The following TPD52 variants were observed in gnomAD, a reference collection of about 807,000 sequenced individuals.
TPD52 encodes the protein tumor protein D52, also known as prostate and colon associated protein.
TPD52 carries 17 observed loss-of-function variants against 31.3 expected under a neutral mutation model. That is an observed-to-expected ratio of 0.54 (90% CI 0.37 to 0.82). TPD52 has a LOEUF of 0.82. Among genes scored for constraint, TPD52 ranks in the 40% least tolerant of loss-of-function variants. TPD52 has a pLI of 0.00. For missense variants in TPD52, 212 were observed against 240.1 expected (o/e 0.88, Z 0.77); for synonymous variants, 83 against 89.6 (o/e 0.93, Z 0.42).
rs575063392 is a variant in TPD52, at chr8:80,135,457, A to G, written c.19+35968T>C. 3.3e-5 allele frequency among the ~76,000 whole-genome samples: 5 copies of G among 152,228 alleles called. No individual in the cohort carries two copies. The East Asian group carries it at 7.7e-4, about 23-fold the overall frequency. On this transcript the variant is annotated intron_variant, in intron 1 of 7. Coordinates refer to ENST00000518937, the MANE Select transcript of TPD52 (RefSeq NM_001025253.3). Reference sequence around the variant, plus strand: ...CCCCCAGGAGAGTTAGAGCTCTGACAAAGAGGAAGCCTGAATATACCCTTA... The same window carrying G: ...CCCCCAGGAGAGTTAGAGCTCTGACGAAGAGGAAGCCTGAATATACCCTTA...
chr8:80,134,060 G>A (rs193245117), intron 1 of TPD52, among the ~76,000 whole-genome samples: 25 of 152,294 alleles, frequency 1.6e-4, no homozygotes, highest in Middle Eastern at 6.8e-3. Context: ...TGGCAGACAC[G>A]GTGATTCTAA....
In TPD52 at chr8:80,034,900, A is replaced by G. The variant is rs1809799181; in HGVS notation, c.*3216T>C. On this transcript the variant is annotated 3_prime_UTR_variant, in exon 8 of 8. Transcript: ENST00000518937. ...TGCCAAATAGCATTTATTTGAGTAC[A>G]AAATCCTGGCAGGCAAAAGCACTTG... is the stretch of plus-strand genomic sequence containing the variant. 6.6e-6 allele frequency: 1 copy of G among 152,218 alleles called. No homozygotes were observed. Among genetic ancestry groups the G allele is most frequent in the Admixed American group, 6.5e-5 (1 of 15,274 alleles). The allele number at this position is 152,218 out of a possible 1,614,324, so 9.4% of individuals were successfully genotyped here.
intron 2 of TPD52, among the ~76,000 whole-genome samples, chr8:80,054,849 A>T (rs1432556422): frequency 6.6e-6 from 1 of 152,148 alleles, no homozygotes; most frequent in Non-Finnish European, 1.5e-5. Flanking sequence ...TGCTTGTCAG[A>T]GTCACAAGTA....
At chr8:80,044,301 C>A in intron 5 of TPD52, 93 bp from the exon 6 acceptor site, 2 of 963,146 alleles carry the variant, frequency 2.1e-6, no homozygotes, top group Admixed American at 3.4e-5. Flanking sequence ...TCCCCAGGAG[C>A]TTTATTCTCT....
chr8:80,127,837 CAG>C lies in TPD52; in HGVS notation c.19+43586_19+43587del, dbSNP rs1421065718. Among the ~76,000 whole-genome samples the C allele has an allele frequency of 6.4e-4, 28 of 43,900 alleles. 1 individual carries two copies. Among genetic ancestry groups the C allele is most frequent in the South Asian group, 1.5e-3 (2 of 1,376 alleles). The allele number at this position is 43,900 out of a possible 152,430, so 28.8% of individuals were successfully genotyped here. A position where few individuals can be genotyped will look rare whatever the true frequency, so the allele number is the denominator to read the frequency against. On this transcript the variant is annotated intron_variant, in intron 1 of 7. Coordinates refer to ENST00000518937, the MANE Select transcript of TPD52 (RefSeq NM_001025253.3). ...ACACACACACACACACACACACACA[CAG>C]AGATACATAATAAAAAATATAAAGG... is the stretch of plus-strand genomic sequence containing the variant.
At chr8:80,111,115 G>C (rs1364772005) in intron 1 of TPD52, among the ~76,000 whole-genome samples, 1 of 152,204 alleles carries the variant, frequency 6.6e-6, no homozygotes, top group Non-Finnish European at 1.5e-5. Context: ...GGGAGGCTGA[G>C]GTGGTAGTAT....
At chr8:80,106,334 T>C (rs1807105463) in intron 1 of TPD52, among the ~76,000 whole-genome samples, 1 of 152,074 alleles carries the variant, frequency 6.6e-6, no homozygotes, top group Non-Finnish European at 1.5e-5. Context: ...TATCAAACAG[T>C]AGGTTTATTG....
At chr8:80,063,326 T>C (rs1812752063) in intron 2 of TPD52, among the ~76,000 whole-genome samples, 1 of 152,326 alleles carries the variant, frequency 6.6e-6, no homozygotes, top group Middle Eastern at 3.4e-3. Context: ...TCCATTTATA[T>C]GAAATAACCA....
rs1051202624 is a variant in TPD52, at chr8:80,042,514, T to C, written c.504+106A>G. On this transcript the variant is annotated intron_variant, in intron 7 of 7. Transcript: ENST00000518937. ...AAGGAGTAAAGTTATTTACATTCTT[T>C]AGATATTTTTAGAAAGAAATATTAA... is the stretch of plus-strand genomic sequence containing the variant. The C allele has an allele frequency of 4.0e-6, 6 of 1,513,190 alleles. No individual in the cohort carries two copies. The African/African-American group carries it at 8.5e-5, about 21-fold the overall frequency. 93.7% of individuals were successfully genotyped at this position (1,513,190 alleles called of 1,614,324 possible).
At chr8:80,157,391 C>G (rs182827534) in intron 1 of TPD52, among the ~76,000 whole-genome samples, 181 of 152,270 alleles carry the variant, frequency 1.2e-3, no homozygotes, top group Non-Finnish European at 2.3e-3. Flanking sequence ...CATTGAATCC[C>G]TGACACAATC....
chr8:80,171,242 C>G (rs1264050423), intron 1 of TPD52, 183 bp downstream of exon 1: 1 of 771,722 alleles, frequency 1.3e-6, no homozygotes. Flanking sequence ...CCCGCCAGAG[C>G]CGCTCCTTCC....
chr8:80,104,852 G>C (rs890800059), intron 1 of TPD52, among the ~76,000 whole-genome samples: 1 of 151,860 alleles, frequency 6.6e-6, no homozygotes, highest in Non-Finnish European at 1.5e-5. Context: ...TTCAGCTCAG[G>C]AGCTCAAGAC....
At chr8:80,046,183 T>A (rs1352013699) in intron 5 of TPD52, among the ~76,000 whole-genome samples, 2 of 152,236 alleles carry the variant, frequency 1.3e-5, no homozygotes, top group East Asian at 3.8e-4. Flanking sequence ...CTAGACTGTT[T>A]ATTTTGTGAA....
chr8:80,122,084 G>C (rs1362850461), intron 1 of TPD52, among the ~76,000 whole-genome samples: 4 of 150,096 alleles, frequency 2.7e-5, no homozygotes, highest in Admixed American at 6.6e-5. Flanking sequence ...AGATGAGAAA[G>C]GTAAAATCAA....
chr8:80,094,759 AT>A (rs143981178), intron 1 of TPD52, among the ~76,000 whole-genome samples: 11,574 of 151,114 alleles, frequency 0.077, 994 homozygotes, highest in African/African-American at 0.21. Flanking sequence ...TTCTACCATA[AT>A]TTAAAAAAAA....
intron 1 of TPD52, among the ~76,000 whole-genome samples, chr8:80,090,727 C>T (rs1418253134): frequency 6.6e-6 from 1 of 151,778 alleles, no homozygotes; most frequent in Non-Finnish European, 1.5e-5. Flanking sequence ...AAAAACTATC[C>T]TCTTTGGAGC....
intron 1 of TPD52, chr8:80,064,810 T>G: frequency 1.5e-6 from 1 of 677,222 alleles, no homozygotes; most frequent in East Asian, 2.8e-5. Context: ...AATATGAATT[T>G]AGAAAATATA....
Position 80,041,655 on chromosome 8 carries a change from CATT to C in TPD52, c.504+962_504+964del, listed in dbSNP as rs552158579. Among the ~76,000 whole-genome samples the C allele has an allele frequency of 2.6e-5, 4 of 152,034 alleles. No individual in the cohort carries two copies. The East Asian group carries it at 7.7e-4, about 29-fold the overall frequency. On this transcript the variant is annotated intron_variant, in intron 7 of 7. Coordinates refer to ENST00000518937, the MANE Select transcript of TPD52 (RefSeq NM_001025253.3). ...ATATAATTTACAAATCAATAAAGCT[CATT>C]ATTATGGGGAAATGTTCACCTCCAC...
intron 1 of TPD52, among the ~76,000 whole-genome samples, chr8:80,069,501 A>C (rs1813529293): frequency 6.6e-6 from 1 of 151,956 alleles, no homozygotes; most frequent in African/African-American, 2.4e-5. Context: ...AAAAATTTTT[A>C]GGGGGCTGGG....
Sources: allele counts gnomAD v4.1 joint callset (sites outside exome capture counted in the v4.1 genomes callset), GRCh38; gene constraint gnomAD v4.1.1; transcripts MANE v1.5; gene names NCBI Gene and HGNC (gene_info 2026-07-23, HGNC 2026-07-21).